The following ABCG2 variants were observed in gnomAD, a reference collection of about 807,000 sequenced individuals.
The protein encoded by ABCG2 is broad substrate specificity ATP-binding cassette transporter ABCG2.
ABCG2 carries 80 observed loss-of-function variants against 73.5 expected under a neutral mutation model. That is an observed-to-expected ratio of 1.09 (90% CI 0.91 to 1.31). The LOEUF (loss-of-function observed/expected upper bound fraction) is 1.31, where lower values mean the gene tolerates loss of function less well. ABCG2 is among the 50% of genes most tolerant of loss of function. ABCG2 has a pLI of 0.00. For synonymous variants in ABCG2, 269 were observed against 282.4 expected (o/e 0.95, Z 0.48); for missense variants, 796 against 786.2 (o/e 1.01, Z -0.15).
intron 1 of ABCG2, among the ~76,000 whole-genome samples, chr4:88,194,841 G>C (rs905495949): frequency 3.3e-5 from 5 of 152,032 alleles, no homozygotes; most frequent in Admixed American, 3.3e-4. Flanking sequence ...TAGGAGACAG[G>C]GCAGGAGTTA....
At chr4:88,145,945 T>C (rs1725968209) in intron 1 of ABCG2, among the ~76,000 whole-genome samples, 1 of 151,586 alleles carries the variant, frequency 6.6e-6, no homozygotes, top group African/African-American at 2.4e-5. Flanking sequence ...AATAAATAAA[T>C]AAAGGAACAC....
At chr4:88,154,624 T>C (rs976996349) in intron 1 of ABCG2, among the ~76,000 whole-genome samples, 1 of 152,028 alleles carries the variant, frequency 6.6e-6, no homozygotes, top group African/African-American at 2.4e-5. Flanking sequence ...GAAGGAAATA[T>C]GCGGAAATGG....
At chr4:88,218,602 AC>A (rs1474027364) in intron 1 of ABCG2, among the ~76,000 whole-genome samples, 2 of 151,770 alleles carry the variant, frequency 1.3e-5, no homozygotes, top group East Asian at 3.9e-4. Context: ...CCCCCTTCCC[AC>A]CCTTTCCCCT....
upstream of ABCG2, among the ~76,000 whole-genome samples, chr4:88,162,783 A>C (rs1727366809): frequency 6.6e-6 from 1 of 152,210 alleles, no homozygotes; most frequent in Non-Finnish European, 1.5e-5. Flanking sequence ...TCACCAGTGC[A>C]AAGGAGACTG....
chr4:88,194,791 G>A (rs1728874545), intron 1 of ABCG2, among the ~76,000 whole-genome samples: 1 of 152,124 alleles, frequency 6.6e-6, no homozygotes, highest in Non-Finnish European at 1.5e-5. Context: ...AGATAGCAAG[G>A]TAAATGTAGC....
intron 1 of ABCG2, among the ~76,000 whole-genome samples, chr4:88,140,394 T>C (rs927545152): frequency 6.6e-6 from 1 of 152,186 alleles, no homozygotes; most frequent in Admixed American, 6.5e-5. Context: ...TACATGCTCA[T>C]CATCAGAATC....
chr4:88,113,681 G>C (rs1451029128), intron 8 of ABCG2, 128 bp from the exon 9 acceptor site: 1 of 1,212,228 alleles, frequency 8.2e-7, no homozygotes, highest in Admixed American at 2.7e-5. Flanking sequence ...AGAAAAAATA[G>C]GCCAGGCACG....
chr4:88,155,314 G>A (rs935747686), intron 1 of ABCG2, among the ~76,000 whole-genome samples: 2 of 152,132 alleles, frequency 1.3e-5, no homozygotes, highest in Admixed American at 6.5e-5. Context: ...GGGAGAGCAC[G>A]TGTGTTTTTA....
At chr4:88,230,884 G>A (rs1203826329) in intron 1 of ABCG2, 1 of 152,106 alleles carries the variant, frequency 6.6e-6, no homozygotes, top group Non-Finnish European at 1.5e-5. Context: ...GCAAGTTAGT[G>A]TATGAGAAGT....
At chr4:88,101,469 A>ACC in intron 10 of ABCG2, 150 bp from the exon 11 acceptor site, 1 of 683,420 alleles carries the variant, frequency 1.5e-6, no homozygotes. Context: ...GGAAGCGTGA[A>ACC]CCCCATCAAG....
chr4:88,200,466 G>C (rs1298723128), intron 1 of ABCG2, among the ~76,000 whole-genome samples: 1 of 152,052 alleles, frequency 6.6e-6, no homozygotes, highest in East Asian at 1.9e-4. Context: ...ACCATGTGTA[G>C]CCAAAAGATG....
rs374321533 is a variant in ABCG2, at chr4:88,186,897, C to T, written c.-20+44097G>A. On this transcript the variant is annotated intron_variant, in intron 1 of 15. Coordinates refer to the ABCG2 transcript ENST00000515655. ...TCCCGCCACTGCACTCCAGCCTGGG[C>T]GACAGAGCGAGACTCCGTCTCAAAA... Among the ~76,000 whole-genome samples the T allele has an allele frequency of 1.2e-3, 128 of 109,866 alleles. 1 individual carries two copies. The highest frequency in any genetic ancestry group is 4.5e-3 in the African/African-American group (121 of 27,082). The allele number at this position is 109,866 out of a possible 152,430, so 72.1% of individuals were successfully genotyped here.
Position 88,095,602 on chromosome 4 carries a change from G to GA in ABCG2, c.1654dup (p.Ser552PhefsTer33), listed in dbSNP as rs1281244555. 1.1e-5 allele frequency: 17 copies of GA among 1,613,156 alleles called. No individual in the cohort carries two copies. Among genetic ancestry groups the GA allele is most frequent in the Admixed American group, 1.7e-5 (1 of 59,984 alleles). On this transcript the variant is annotated frameshift_variant, in exon 14 of 16. Coordinates refer to ENST00000237612, the MANE Select transcript of ABCG2 (RefSeq NM_004827.3). LOFTEE classifies it high-confidence loss of function. Reference sequence around the variant, plus strand: ...GGTTGTGAGATTGACCAACAGACCTGAAAAAATCTACAAAAAGCAAATACT... The same window carrying GA: ...GGTTGTGAGATTGACCAACAGACCTGAAAAAAATCTACAAAAAGCAAATACT...
At chr4:88,180,038 C>T (rs948382859) in intron 1 of ABCG2, among the ~76,000 whole-genome samples, 6 of 152,132 alleles carry the variant, frequency 3.9e-5, no homozygotes, top group African/African-American at 1.4e-4. Context: ...TAACAAAGAA[C>T]TTTCCAAAAC....
At position 88,102,369 on chromosome 4, in the gene ABCG2, G is replaced by T. The variant is rs184992816; in HGVS notation, c.1278-1050C>A. ...TCTCGGCACTATGGGAGGCCGGGTC[G>T]GGAGGATCATGAGGTCAGGAGTTCA... On this transcript the variant is annotated intron_variant, in intron 10 of 15. Transcript: ENST00000237612. 2.0e-5 allele frequency among the ~76,000 whole-genome samples: 3 copies of T among 152,240 alleles called. No individual in the cohort carries two copies. In the South Asian group the frequency reaches 6.2e-4, roughly 32 times the overall value.
intron 1 of ABCG2, among the ~76,000 whole-genome samples, chr4:88,146,621 C>T (rs1726023650): frequency 6.6e-6 from 1 of 152,052 alleles, no homozygotes; most frequent in African/African-American, 2.4e-5. Context: ...CTTGAACTCC[C>T]AACCTCAGGT....
intron 1 of ABCG2, among the ~76,000 whole-genome samples, chr4:88,212,585 A>G (rs28463190): frequency 0.06 from 9,100 of 152,014 alleles, 906 homozygotes; most frequent in African/African-American, 0.21. Context: ...AAACCCCTCT[A>G]ATAACCCAAC....
At chr4:88,123,718 T>C (rs1335596865) in intron 5 of ABCG2, among the ~76,000 whole-genome samples, 1 of 151,910 alleles carries the variant, frequency 6.6e-6, no homozygotes, top group African/African-American at 2.4e-5. Context: ...ACAGGGAGAA[T>C]GGAACCAAGT....
chr4:88,205,631 C>T (rs1169802400), intron 1 of ABCG2, among the ~76,000 whole-genome samples: 1 of 152,062 alleles, frequency 6.6e-6, no homozygotes, highest in Non-Finnish European at 1.5e-5. Context: ...CTCTCCATAA[C>T]CTCTAACCTT....
Sources: allele counts gnomAD v4.1 joint callset (sites outside exome capture counted in the v4.1 genomes callset), GRCh38; gene constraint gnomAD v4.1.1; transcripts MANE v1.5; gene names NCBI Gene and HGNC (gene_info 2026-07-23, HGNC 2026-07-21).